RETREG1: variants seen among roughly 807,000 people sequenced by gnomAD.
RETREG1 encodes reticulophagy regulator 1, also known as family with sequence similarity 134 member B.
In RETREG1, 44 loss-of-function variants were observed where a neutral mutation model predicts 54.8. The ratio of observed to expected loss-of-function variants is 0.80; its 90% CI spans 0.63 to 1.03. The LOEUF (loss-of-function observed/expected upper bound fraction) is 1.03. Ranked by LOEUF, RETREG1 falls within the 50% of genes least tolerant of loss-of-function variation. RETREG1 has a pLI of 0.00. For missense variants in RETREG1, 554 were observed against 605.1 expected (o/e 0.92, Z 0.89); for synonymous variants, 217 against 238.5 (o/e 0.91, Z 0.83).
rs1742933510 is a variant in RETREG1, at chr5:16,597,427, T to C, written c.320+19225A>G. ...TTCATCATTAAATCCAAAAGCATCATAAATCTTAACCCCTAACCTTGGTGC... is the reference window on the plus strand; with the variant it reads ...TTCATCATTAAATCCAAAAGCATCACAAATCTTAACCCCTAACCTTGGTGC... On this transcript the variant is annotated intron_variant, in intron 1 of 8. Coordinates refer to ENST00000306320, the MANE Select transcript of RETREG1 (RefSeq NM_001034850.3). The surrounding 1 kb of genome is among the most constrained non-coding windows in gnomAD (Gnocchi z 4.3). Among the ~76,000 whole-genome samples, 1 of 152,200 alleles carries C rather than the reference T, an allele frequency of 6.6e-6. No individual in the cohort carries two copies. The highest frequency in any genetic ancestry group is 1.5e-5 in the Non-Finnish European group (1 of 68,026).
At chr5:16,515,600 A>T (rs1254641070) in intron 3 of RETREG1, among the ~76,000 whole-genome samples, 1 of 152,232 alleles carries the variant, frequency 6.6e-6, no homozygotes, top group Admixed American at 6.5e-5. Flanking sequence ...TGACAACTGC[A>T]GTTAAGGATC....
intron 1 of RETREG1, among the ~76,000 whole-genome samples, chr5:16,578,005 T>G (rs1287104881): frequency 2.0e-5 from 3 of 152,168 alleles, no homozygotes; most frequent in Non-Finnish European, 4.4e-5. Flanking sequence ...GACTCATACG[T>G]TTTCTTATTC....
At chr5:16,568,025 TGA>T (rs1415540197) in intron 2 of RETREG1, among the ~76,000 whole-genome samples, 1 of 151,952 alleles carries the variant, frequency 6.6e-6, no homozygotes, top group Non-Finnish European at 1.5e-5. Flanking sequence ...TCTATCTCAA[TGA>T]GAGAGAATGA....
At chr5:16,510,693 G>A (rs1740142384) in intron 3 of RETREG1, among the ~76,000 whole-genome samples, 1 of 151,774 alleles carries the variant, frequency 6.6e-6, no homozygotes, top group African/African-American at 2.4e-5. Context: ...GGGAGGCTGA[G>A]GCAGAAGAAT....
At chr5:16,579,472 T>C (rs749934232) in intron 1 of RETREG1, among the ~76,000 whole-genome samples, 10 of 152,194 alleles carry the variant, frequency 6.6e-5, no homozygotes, top group Non-Finnish European at 1.3e-4. Context: ...ATTTACAGCC[T>C]TTTCTTTTTT....
In RETREG1 at chr5:16,478,106, G is replaced by A. The variant is rs953507650; in HGVS notation, c.809-8C>T. 1.9e-6 allele frequency: 3 copies of A among 1,606,460 alleles called. No individual in the cohort carries two copies. The highest frequency in any genetic ancestry group is 2.7e-5 in the African/African-American group (2 of 74,662). ...TTTTTTCTTTGTCTGCTTCTGTTGA[G>A]GAAAAAATTTGGAAGCTTTCAGTTT... On this transcript the variant is annotated splice_polypyrimidine_tract_variant and splice_region_variant and intron_variant, in intron 6 of 8. Coordinates refer to ENST00000306320, the MANE Select transcript of RETREG1 (RefSeq NM_001034850.3).
In RETREG1 at chr5:16,474,966, T is replaced by C; in HGVS notation, c.1269A>G (p.Ala423=). Residue 423 remains alanine (A), a synonymous_variant, in exon 9 of 9, where the codon GCA becomes GCG. Coordinates refer to ENST00000306320, the MANE Select transcript of RETREG1 (RefSeq NM_001034850.3). ...AGDVITAAVT[A]AIKDQLEGVQ... ...CACCCTCTAACTGGTCTTTGATAGC[T>C]GCAGTCACTGCAGCTGTGATAACAT... The C allele has an allele frequency of 3.7e-6, 6 of 1,613,926 alleles. No homozygotes were observed. Among genetic ancestry groups the C allele is most frequent in the Non-Finnish European group, 5.1e-6 (6 of 1,179,944 alleles).
chr5:16,498,251 G>C (rs1444645704), intron 3 of RETREG1, among the ~76,000 whole-genome samples: 3 of 152,122 alleles, frequency 2.0e-5, no homozygotes, highest in Non-Finnish European at 4.4e-5. Flanking sequence ...AACCTGGATG[G>C]GATAGTCTAC....
chr5:16,586,495 A>G (rs888685294), intron 1 of RETREG1, among the ~76,000 whole-genome samples: 10 of 152,150 alleles, frequency 6.6e-5, no homozygotes, highest in African/African-American at 2.4e-4. Flanking sequence ...GGTCACAAGC[A>G]TTTTTAGAAA....
At chr5:16,596,910 A>T (rs1742913958) in intron 1 of RETREG1, among the ~76,000 whole-genome samples, 1 of 152,216 alleles carries the variant, frequency 6.6e-6, no homozygotes, top group Non-Finnish European at 1.5e-5. Context: ...GCAAAAAGAA[A>T]TGCTTTAAGC....
At chr5:16,483,676 G>A (rs1738902827) in intron 3 of RETREG1, among the ~76,000 whole-genome samples, 1 of 152,096 alleles carries the variant, frequency 6.6e-6, no homozygotes, top group Non-Finnish European at 1.5e-5. Context: ...TTAATTGTCT[G>A]TTTACAATCA....
At chr5:16,517,965 T>C (rs151211575) in intron 3 of RETREG1, among the ~76,000 whole-genome samples, 1 of 151,770 alleles carries the variant, frequency 6.6e-6, no homozygotes, top group East Asian at 1.9e-4. Context: ...GATGACATTG[T>C]TAGGAAAGTC....
intron 3 of RETREG1, among the ~76,000 whole-genome samples, chr5:16,515,167 C>A (rs248133): frequency 0.83 from 126,722 of 151,766 alleles, 53,022 homozygotes; most frequent in Middle Eastern, 0.88. Flanking sequence ...TTTGTTCTTT[C>A]AGGAATCTCC....
chr5:16,503,678 A>G lies in RETREG1; in HGVS notation c.459-20206T>C, dbSNP rs1258237234. 3.3e-4 allele frequency among the ~76,000 whole-genome samples: 34 copies of G among 103,350 alleles called. 1 individual carries two copies. The highest frequency in any genetic ancestry group is 2.2e-3 in the Admixed American group (24 of 10,912). 67.8% of individuals were successfully genotyped at this position (103,350 alleles called of 152,430 possible). A position where few individuals can be genotyped will look rare whatever the true frequency, so the allele number is the denominator to read the frequency against. The stretch of plus-strand genomic sequence containing the variant: ...ACTCCATCTCAAAAAAAAAAAAAAA[A>G]GAAAGAAAGAAAGAAAAGAAAACTA... On this transcript the variant is annotated intron_variant, in intron 3 of 8. Transcript: ENST00000306320.
intron 1 of RETREG1, among the ~76,000 whole-genome samples, chr5:16,612,220 G>C (rs1377777774): frequency 6.6e-6 from 1 of 152,198 alleles, no homozygotes; most frequent in African/African-American, 2.4e-5. Flanking sequence ...CTTTAAGGGT[G>C]ATGAAATATT....
At chr5:16,535,687 G>A (rs1283221212) in intron 3 of RETREG1, among the ~76,000 whole-genome samples, 1 of 117,104 alleles carries the variant, frequency 8.5e-6, no homozygotes. Context: ...GGGTTCCTGT[G>A]TGCACGCTGC....
intron 3 of RETREG1, among the ~76,000 whole-genome samples, chr5:16,485,433 T>G (rs1045296480): frequency 6.6e-6 from 1 of 152,202 alleles, no homozygotes; most frequent in South Asian, 2.1e-4. Flanking sequence ...CCTTCCAAAG[T>G]GCTGGGATTA....
chr5:16,552,175 G>C (rs1002006858), intron 3 of RETREG1, among the ~76,000 whole-genome samples: 1 of 152,188 alleles, frequency 6.6e-6, no homozygotes, highest in South Asian at 2.1e-4. Context: ...TGTGGAAGAC[G>C]TTCTTTAGCA....
chr5:16,490,985 TA>T (rs1256811544), intron 3 of RETREG1, among the ~76,000 whole-genome samples: 11 of 152,244 alleles, frequency 7.2e-5, no homozygotes, highest in Non-Finnish European at 1.5e-5. Flanking sequence ...CAGCTGTTCC[TA>T]AATTAGTACC....
Sources: allele counts gnomAD v4.1 joint callset (sites outside exome capture counted in the v4.1 genomes callset), GRCh38; gene constraint gnomAD v4.1.1; non-coding constraint Gnocchi (gnomAD v3.1); transcripts MANE v1.5; gene names NCBI Gene and HGNC (gene_info 2026-07-23, HGNC 2026-07-21).